The following ZNF665 variants were observed in gnomAD, a reference collection of about 807,000 sequenced individuals.
ZNF665 encodes the protein zinc finger protein 665.
A neutral mutation model predicts 7.9 loss-of-function variants in ZNF665; 6 were observed. The ratio of observed to expected loss-of-function variants is 0.76; its 90% CI spans 0.42 to 1.50. The LOEUF is 1.50. Among genes scored for constraint, ZNF665 ranks in the 40% most tolerant of loss-of-function variants. The pLI is 0.01. For missense variants in ZNF665, 819 were observed against 806.7 expected (o/e 1.02, Z -0.18); for synonymous variants, 242 against 274.5 (o/e 0.88, Z 1.17).
chr19:53,165,117 T>C lies in ZNF665; in HGVS notation c.1373A>G (p.Tyr458Cys). The change falls in exon 4 of 4, where the codon TAC (tyrosine) becomes TGC (cysteine). Residue 458 changes from tyrosine (Y) to cysteine (C), a missense_variant. Coordinates refer to ENST00000396424, the MANE Select transcript of ZNF665 (RefSeq NM_024733.5). ...GACCTTACCGCAGTCATTACATTTG[T>C]AAGGCTTTTCTCCAGTATGAATTGC... ...HQAIHTGEKPYKCNDCGKVFT... is the reference protein window; with the variant it reads ...HQAIHTGEKPCKCNDCGKVFT... 1 of 1,614,134 alleles carries C rather than the reference T, an allele frequency of 6.2e-7. No individual in the cohort carries two copies. Among genetic ancestry groups the C allele is most frequent in the Non-Finnish European group, 8.5e-7 (1 of 1,180,028 alleles).
intron 2 of ZNF665, among the ~76,000 whole-genome samples, chr19:53,179,351 G>A (rs2090720747): frequency 7.2e-6 from 1 of 138,490 alleles, no homozygotes; most frequent in Non-Finnish European, 1.5e-5. Context: ...ACTCCAGCCT[G>A]GGTGACACAG....
chr19:53,171,440 A>G (rs1387874708), intron 3 of ZNF665, among the ~76,000 whole-genome samples: 1 of 147,890 alleles, frequency 6.8e-6, no homozygotes, highest in Non-Finnish European at 1.5e-5. Flanking sequence ...GCAGTACACT[A>G]TGTACTAAAA....
chr19:53,178,004 C>G (rs2090711085), intron 2 of ZNF665, among the ~76,000 whole-genome samples: 1 of 152,148 alleles, frequency 6.6e-6, no homozygotes, highest in South Asian at 2.1e-4. Context: ...AACAGGCAAG[C>G]TACCTGAAAG....
intron 2 of ZNF665, among the ~76,000 whole-genome samples, chr19:53,178,449 C>G (rs139282538): frequency 6.6e-6 from 1 of 152,156 alleles, no homozygotes; most frequent in Non-Finnish European, 1.5e-5. Context: ...ATTGGCCAGG[C>G]ATGGTGGCTC....
intron 2 of ZNF665, among the ~76,000 whole-genome samples, chr19:53,177,357 G>A (rs1343275976): frequency 6.6e-6 from 1 of 151,890 alleles, no homozygotes; most frequent in Non-Finnish European, 1.5e-5. Context: ...TAGCACTTTG[G>A]GAGGCCAAGG....
Position 53,165,634 on chromosome 19 carries a change from C to T in ZNF665, c.856G>A (p.Gly286Arg), listed in dbSNP as rs1416500613. ...TCCTTACATTTGTAAGGTTTTTCTC[C>T]AGTATGGATGACCTGATGTGTAGTT... Reference protein sequence around the residue: ...KLTTHQVIHTGEKPYKCKECG... With the variant: ...KLTTHQVIHTREKPYKCKECG... The change falls in exon 4 of 4, where the codon GGA becomes AGA. Residue 286 changes from glycine to arginine, a missense_variant. Transcript: ENST00000396424. 3.1e-6 allele frequency: 5 copies of T among 1,614,022 alleles called. No individual in the cohort carries two copies. The highest frequency in any genetic ancestry group is 4.2e-6 in the Non-Finnish European group (5 of 1,180,004).
rs2090610524 is a variant in ZNF665 at position 53,165,946 on chromosome 19, C to T, written c.544G>A (p.Glu182Lys). ...TTTTGACTGAAGACCTTGCCACATTCATCACATTTATAATGTTTTCCTCGA... is the reference window on the plus strand; with the variant it reads ...TTTTGACTGAAGACCTTGCCACATTTATCACATTTATAATGTTTTCCTCGA... ...NNRGKHYKCDECGKVFSQNSR... is the reference protein window; with the variant it reads ...NNRGKHYKCDKCGKVFSQNSR... The change falls in exon 4 of 4, where the codon GAA (glutamate) becomes AAA (lysine). Residue 182 changes from glutamate (E) to lysine (K), a missense_variant. Transcript: ENST00000396424. The T allele has an allele frequency of 6.2e-7, 1 of 1,614,078 alleles. No homozygotes were observed. Among genetic ancestry groups the T allele is most frequent in the Non-Finnish European group, 8.5e-7 (1 of 1,179,996 alleles).
chr19:53,174,160 A>G (rs1311426435), intron 3 of ZNF665, among the ~76,000 whole-genome samples: 3 of 152,194 alleles, frequency 2.0e-5, no homozygotes, highest in Non-Finnish European at 4.4e-5. Flanking sequence ...GAGTCCTCAC[A>G]TCTGTCTCTG....
chr19:53,185,342 C>T (rs1024756733), intron 1 of ZNF665, among the ~76,000 whole-genome samples: 1 of 152,070 alleles, frequency 6.6e-6, no homozygotes, highest in Non-Finnish European at 1.5e-5. Context: ...CCTGTCCGGG[C>T]ATGACAGAGG....
chr19:53,175,440 C>T lies in ZNF665; in HGVS notation c.142+5G>A, dbSNP rs369778289. The T allele has an allele frequency of 1.4e-5, 23 of 1,603,258 alleles. No individual in the cohort carries two copies. The African/African-American group carries it at 2.7e-4, about 19-fold the overall frequency. ...CCCTGACTTCTAAAAGAAAGTCATC[C>T]TCACCCAGGGAGACCAGGTTCCTAT... is the stretch of plus-strand genomic sequence containing the variant. On this transcript the variant is annotated splice_donor_5th_base_variant and intron_variant, in intron 3 of 3. Transcript: ENST00000396424.
intron 2 of ZNF665, 122 bp from the exon 3 acceptor site, chr19:53,175,693 G>T: frequency 8.8e-7 from 1 of 1,131,998 alleles, no homozygotes; most frequent in East Asian, 2.6e-5. Flanking sequence ...GACACATCCA[G>T]GCTGTGATCA....
chr19:53,173,372 C>CTTT (rs34425717), intron 3 of ZNF665, among the ~76,000 whole-genome samples: 1,112 of 78,888 alleles, frequency 0.014, 6 homozygotes, highest in African/African-American at 0.03. Context: ...TTTTTTCACT[C>CTTT]TTTTTTTTTT....
chr19:53,173,370 C>CTTT (rs2090672824), intron 3 of ZNF665, among the ~76,000 whole-genome samples: 1 of 112,632 alleles, frequency 8.9e-6, no homozygotes, highest in Non-Finnish European at 1.7e-5. Flanking sequence ...TTTTTTTTCA[C>CTTT]TCTTTTTTTT....
At chr19:53,193,102 C>G (rs151259092) in intron 1 of ZNF665, among the ~76,000 whole-genome samples, 179 of 152,252 alleles carry the variant, frequency 1.2e-3, no homozygotes, top group East Asian at 9.1e-3. Flanking sequence ...TCTGCATGGT[C>G]TGAAGGCCGA....
At chr19:53,176,582 G>A (rs1308870016) in intron 2 of ZNF665, among the ~76,000 whole-genome samples, 1 of 152,170 alleles carries the variant, frequency 6.6e-6, no homozygotes, top group Non-Finnish European at 1.5e-5. Flanking sequence ...TACAACTTAA[G>A]CCAGTTAGTG....
intron 1 of ZNF665, among the ~76,000 whole-genome samples, chr19:53,191,233 C>T (rs1378823811): frequency 2.0e-5 from 3 of 152,150 alleles, no homozygotes; most frequent in Non-Finnish European, 2.9e-5. Flanking sequence ...GAAATCCCCA[C>T]CCCACACGTT....
chr19:53,166,908 T>C (rs1413460285), intron 3 of ZNF665, among the ~76,000 whole-genome samples: 6 of 152,224 alleles, frequency 3.9e-5, no homozygotes, highest in Non-Finnish European at 8.8e-5. Flanking sequence ...TTTTTCTGAA[T>C]ACCTGTTATA....
intron 2 of ZNF665, among the ~76,000 whole-genome samples, chr19:53,175,871 C>A (rs1230017172): frequency 6.6e-6 from 1 of 152,172 alleles, no homozygotes; most frequent in Non-Finnish European, 1.5e-5. Flanking sequence ...GGCAAGATTA[C>A]AGGGTTAGGC....
intron 1 of ZNF665, among the ~76,000 whole-genome samples, chr19:53,191,276 G>A (rs901540500): frequency 1.3e-5 from 2 of 152,074 alleles, no homozygotes; most frequent in Non-Finnish European, 2.9e-5. Flanking sequence ...TCTTTGTTGA[G>A]CGTTCATTAC....
Sources: gnomAD v4.1 joint callset for allele counts (sites outside exome capture counted in the v4.1 genomes callset) on GRCh38, gnomAD v4.1.1 for gene constraint, MANE v1.5 for transcripts, NCBI Gene and HGNC (gene_info 2026-07-23, HGNC 2026-07-21) for gene names.